Variants in RBFOX1 observed in about 807,000 individuals in gnomAD.
RBFOX1 encodes the protein RNA binding fox-1 homolog 1.
A neutral mutation model predicts 57.7 loss-of-function variants in RBFOX1; 8 were observed. That is an observed-to-expected ratio of 0.14 (90% confidence interval 0.08 to 0.25). The LOEUF (loss-of-function observed/expected upper bound fraction) is 0.25, where lower values mean the gene tolerates loss of function less well. Ranked by LOEUF, RBFOX1 falls within the 10% of genes least tolerant of loss-of-function variation. The pLI is 1.00. For synonymous variants in RBFOX1, 326 were observed against 222.4 expected (o/e 1.47, Z -4.15); for missense variants, 611 against 548.5 (o/e 1.11, Z -1.14).
Position 6,654,655 on chromosome 16 carries a change from G to C in RBFOX1, c.-16+5G>C, listed in dbSNP as rs1277553020. ...GTGGAAATAGAAGACAGAAAGGTGA[G>C]TCAATATTTTTCATTTTTAGGGTTG... On this transcript the variant is annotated splice_donor_5th_base_variant and intron_variant, in intron 3 of 15. Coordinates refer to ENST00000550418, the MANE Select transcript of RBFOX1 (RefSeq NM_018723.4). 2.0e-6 allele frequency: 3 copies of C among 1,506,598 alleles called. No homozygotes were observed. Among genetic ancestry groups the C allele is most frequent in the African/African-American group, 1.4e-5 (1 of 71,026 alleles). The allele number at this position is 1,506,598 out of a possible 1,614,324, so 93.3% of individuals were successfully genotyped here.
In RBFOX1 at chr16:6,983,444, C is replaced by A. The variant is rs149890396; in HGVS notation, c.-15-68613C>A. Among the ~76,000 whole-genome samples, 430 of 144,660 alleles carry A rather than the reference C, an allele frequency of 3.0e-3. 8 individuals are homozygous for A. The South Asian group carries it at 0.037, about 12-fold the overall frequency. The allele number at this position is 144,660 out of a possible 152,430, so 94.9% of individuals were successfully genotyped here. On this transcript the variant is annotated intron_variant, in intron 3 of 15. Coordinates refer to ENST00000550418, the MANE Select transcript of RBFOX1 (RefSeq NM_018723.4). The stretch of plus-strand genomic sequence containing the variant: ...TTGCTGCTTCTGGTCCGCCGACTTG[C>A]TGGCTTTTTTTTTTTTTAATAGGAT...
At chr16:7,627,450 G>T (rs1289236001) in intron 10 of RBFOX1, among the ~76,000 whole-genome samples, 1 of 152,156 alleles carries the variant, frequency 6.6e-6, no homozygotes, top group Non-Finnish European at 1.5e-5. Flanking sequence ...TTTGATAAAA[G>T]CACAGAAGTC....
intron 4 of RBFOX1, among the ~76,000 whole-genome samples, chr16:7,091,166 C>A (rs545266480): frequency 6.6e-6 from 1 of 152,074 alleles, no homozygotes; most frequent in African/African-American, 2.4e-5. Context: ...ATAACTCTTT[C>A]CATTTTATTA....
At chr16:7,612,993 A>G (rs1437417713) in intron 10 of RBFOX1, among the ~76,000 whole-genome samples, 1 of 152,234 alleles carries the variant, frequency 6.6e-6, no homozygotes, top group African/African-American at 2.4e-5. Context: ...GGAAATTGGA[A>G]TTGAGTTAAA....
At chr16:6,779,669 C>T (rs1460827620) in intron 3 of RBFOX1, among the ~76,000 whole-genome samples, 1 of 137,884 alleles carries the variant, frequency 7.3e-6, no homozygotes, top group African/African-American at 2.7e-5. Context: ...ATATCCTTAC[C>T]AGCATTCATT....
intron 4 of RBFOX1, among the ~76,000 whole-genome samples, chr16:7,279,838 T>C (rs1364412097): frequency 6.6e-6 from 1 of 152,122 alleles, no homozygotes; most frequent in Non-Finnish European, 1.5e-5. Context: ...AAGCTTTCTA[T>C]CCCTAAAGAG....
chr16:5,502,442 G>C (rs1288621219), intron 2 of RBFOX1, among the ~76,000 whole-genome samples: 10 of 152,168 alleles, frequency 6.6e-5, no homozygotes, highest in Non-Finnish European at 1.3e-4. Flanking sequence ...GGTGGACATG[G>C]AGGTTGGACC....
chr16:5,815,633 A>G (rs903279582), intron 3 of RBFOX1, among the ~76,000 whole-genome samples: 2 of 152,216 alleles, frequency 1.3e-5, no homozygotes, highest in African/African-American at 4.8e-5. Context: ...CCACAGAGGC[A>G]GAGAGAATCA....
At chr16:7,702,224 C>G (rs1271632219) in intron 14 of RBFOX1, among the ~76,000 whole-genome samples, 16 of 152,200 alleles carry the variant, frequency 1.1e-4, no homozygotes, top group South Asian at 2.1e-4. Flanking sequence ...AGATAAGAGA[C>G]TGATCATTTC....
intron 1 of RBFOX1, among the ~76,000 whole-genome samples, chr16:6,209,518 A>C (rs763684972): frequency 1.3e-5 from 2 of 152,256 alleles, no homozygotes; most frequent in Non-Finnish European, 2.9e-5. Context: ...AAGGCCAAGC[A>C]GGCAATTTGC....
chr16:5,243,813 T>C (rs1479255825), intron 1 of RBFOX1, among the ~76,000 whole-genome samples: 1 of 152,172 alleles, frequency 6.6e-6, no homozygotes, highest in Non-Finnish European at 1.5e-5. Flanking sequence ...TGGAGATAAA[T>C]GAGATACACT....
chr16:5,773,335 C>T (rs1020897100), intron 3 of RBFOX1, among the ~76,000 whole-genome samples: 5 of 152,216 alleles, frequency 3.3e-5, no homozygotes, highest in Non-Finnish European at 5.9e-5. Flanking sequence ...TGTTCACAAG[C>T]AGCCTCTAGA....
At chr16:7,267,847 C>G (rs775725932) in intron 4 of RBFOX1, among the ~76,000 whole-genome samples, 3 of 152,178 alleles carry the variant, frequency 2.0e-5, no homozygotes, top group Non-Finnish European at 4.4e-5. Flanking sequence ...CAGAGTGAGA[C>G]CCTGTCTCAA....
At chr16:6,192,640 A>G (rs371831546) in intron 1 of RBFOX1, among the ~76,000 whole-genome samples, 1 of 152,166 alleles carries the variant, frequency 6.6e-6, no homozygotes, top group Admixed American at 6.5e-5. Context: ...ATCCAAGTTT[A>G]TATCTTGAGT....
intron 2 of RBFOX1, among the ~76,000 whole-genome samples, chr16:6,344,654 C>T (rs2085083368): frequency 6.7e-6 from 1 of 149,932 alleles, no homozygotes. Context: ...GCCTCGGCCT[C>T]CCAAAGTGCT....
chr16:5,799,672 G>T (rs545931808), intron 3 of RBFOX1, among the ~76,000 whole-genome samples: 1 of 152,222 alleles, frequency 6.6e-6, no homozygotes, highest in East Asian at 1.9e-4. Context: ...TTCAAGGTAG[G>T]CTGGGCCAAG....
At chr16:7,402,105 T>C (rs1245968376) in intron 4 of RBFOX1, among the ~76,000 whole-genome samples, 1 of 152,206 alleles carries the variant, frequency 6.6e-6, no homozygotes, top group Non-Finnish European at 1.5e-5. Context: ...AGTAATGGTT[T>C]GGTTAAAATA....
Position 6,900,626 on chromosome 16 carries a change from C to T in RBFOX1, c.-15-151431C>T, listed in dbSNP as rs572600781. Among the ~76,000 whole-genome samples, 76 of 152,278 alleles carry T rather than the reference C, an allele frequency of 5.0e-4. No individual in the cohort carries two copies. The East Asian group carries it at 0.014, about 27-fold the overall frequency. ...GCTGAGTGTCACAGCAGATGCTATT[C>T]CCTCTGCCTGGAATTCTACCCTTCT... On this transcript the variant is annotated intron_variant, in intron 3 of 15. Coordinates refer to ENST00000550418, the MANE Select transcript of RBFOX1 (RefSeq NM_018723.4).
chr16:6,868,801 C>T (rs1183479133), intron 3 of RBFOX1, among the ~76,000 whole-genome samples: 1 of 152,140 alleles, frequency 6.6e-6, no homozygotes, highest in Non-Finnish European at 1.5e-5. Flanking sequence ...AATAAGGTTG[C>T]ATCTTTTTGC....
Sources: allele counts gnomAD v4.1 joint callset (sites outside exome capture counted in the v4.1 genomes callset), GRCh38; gene constraint gnomAD v4.1.1; transcripts MANE v1.5; gene names NCBI Gene and HGNC (gene_info 2026-07-23, HGNC 2026-07-21).